Variants in PLXDC1 observed in about 807,000 individuals in gnomAD.
PLXDC1 encodes the protein plexin domain containing 1, also known as plexin domain-containing protein 1.
In PLXDC1, 39 loss-of-function variants were observed where a neutral mutation model predicts 61.3. The observed-to-expected ratio is 0.64, with a 90% CI of 0.49 to 0.83. The LOEUF is 0.83. Ranked by LOEUF, PLXDC1 falls within the 40% of genes least tolerant of loss-of-function variation. PLXDC1 has a pLI of 0.00. For missense variants in PLXDC1, 596 were observed against 666.5 expected, an observed-to-expected ratio of 0.89 and a Z score of 1.17; for synonymous variants, 212 against 254.5, an observed-to-expected ratio of 0.83 and a Z score of 1.59.
chr17:39,143,632 T>TG (rs1291344221), intron 1 of PLXDC1, among the ~76,000 whole-genome samples: 2 of 152,220 alleles, frequency 1.3e-5, no homozygotes, highest in African/African-American at 4.8e-5. Context: ...AACTCCGCTG[T>TG]GGGGCCCTGC....
At chr17:39,094,607 C>G (rs1461038736) in intron 7 of PLXDC1, among the ~76,000 whole-genome samples, 3 of 152,166 alleles carry the variant, frequency 2.0e-5, no homozygotes, top group Non-Finnish European at 2.9e-5. Flanking sequence ...AGACCACAAG[C>G]TCCGCTAAGA....
intron 2 of PLXDC1, among the ~76,000 whole-genome samples, chr17:39,133,731 G>A (rs1911639444): frequency 6.6e-6 from 1 of 152,104 alleles, no homozygotes; most frequent in South Asian, 2.1e-4. Context: ...CGATCCTACA[G>A]CCTCAGCATC....
At chr17:39,108,334 G>T in intron 4 of PLXDC1, 89 bp from the exon 5 acceptor site, 5 of 1,390,306 alleles carry the variant, frequency 3.6e-6, no homozygotes, top group South Asian at 1.2e-5. Context: ...GAAGGGCAGC[G>T]CAGGCAGAGC....
At chr17:39,138,487 G>T (rs749836242) in intron 2 of PLXDC1, among the ~76,000 whole-genome samples, 1 of 152,174 alleles carries the variant, frequency 6.6e-6, no homozygotes, top group Non-Finnish European at 1.5e-5. Flanking sequence ...GTTGCTCAGC[G>T]GGAGTATACA....
chr17:39,124,866 T>C (rs555589260), intron 2 of PLXDC1, among the ~76,000 whole-genome samples: 2 of 152,246 alleles, frequency 1.3e-5, no homozygotes, highest in Non-Finnish European at 2.9e-5. Flanking sequence ...CAGGCTGGAG[T>C]GCAGTGGTGC....
At chr17:39,097,365 A>G (rs992103332) in intron 7 of PLXDC1, among the ~76,000 whole-genome samples, 5 of 152,316 alleles carry the variant, frequency 3.3e-5, no homozygotes, top group East Asian at 1.9e-4. Context: ...CCTTTAAGCC[A>G]TGATCATTTG....
In PLXDC1 at chr17:39,067,963, C is replaced by A. The variant is rs750287147; in HGVS notation, c.1384-4G>T. 2.5e-6 allele frequency: 4 copies of A among 1,613,414 alleles called. No individual in the cohort carries two copies. The highest frequency in any genetic ancestry group is 3.4e-6 in the Non-Finnish European group (4 of 1,179,772). On this transcript the variant is annotated splice_polypyrimidine_tract_variant and splice_region_variant and intron_variant, in intron 13 of 13. Coordinates refer to ENST00000315392, the MANE Select transcript of PLXDC1 (RefSeq NM_020405.5). ...CTGGCCAGTGGTGAGGTCTACGCTG[C>A]AGAAGGCACAGAGGCAAAGTCAGTG... is the stretch of plus-strand genomic sequence containing the variant.
intron 1 of PLXDC1, among the ~76,000 whole-genome samples, chr17:39,142,228 C>A (rs1911958026): frequency 6.6e-6 from 1 of 152,172 alleles, no homozygotes; most frequent in African/African-American, 2.4e-5. Context: ...TAATTTTTTA[C>A]TGTTTTACTC....
intron 4 of PLXDC1, 126 bp downstream of exon 4, chr17:39,108,778 T>G: frequency 1.5e-6 from 1 of 680,366 alleles, no homozygotes; most frequent in Non-Finnish European, 2.7e-6. Flanking sequence ...CAGACTCCTA[T>G]TAGAGCCAAA....
intron 9 of PLXDC1, chr17:39,080,931 A>C (rs1425606556): frequency 6.6e-6 from 1 of 152,580 alleles, no homozygotes; most frequent in Non-Finnish European, 1.5e-5. Flanking sequence ...TGTTGATGGG[A>C]GAGTTTGGCT....
At chr17:39,078,135 T>G in intron 10 of PLXDC1, 87 bp from the exon 11 acceptor site, 1 of 1,297,674 alleles carries the variant, frequency 7.7e-7, no homozygotes, top group South Asian at 1.5e-5. Flanking sequence ...GGGCAATTTA[T>G]CTGTCAGCTG....
At chr17:39,070,938 A>G (rs1909091055) in intron 12 of PLXDC1, among the ~76,000 whole-genome samples, 1 of 152,304 alleles carries the variant, frequency 6.6e-6, no homozygotes, top group Admixed American at 6.5e-5. Context: ...AGATCGCACC[A>G]CTGCACTCCA....
chr17:39,109,855 A>G (rs1195290270), intron 2 of PLXDC1, among the ~76,000 whole-genome samples: 1 of 152,134 alleles, frequency 6.6e-6, no homozygotes, highest in Non-Finnish European at 1.5e-5. Context: ...GGAAAAGGAA[A>G]ATCTGGGCTG....
chr17:39,074,452 T>C (rs1909246912), intron 11 of PLXDC1, among the ~76,000 whole-genome samples: 1 of 152,280 alleles, frequency 6.6e-6, no homozygotes, highest in Non-Finnish European at 1.5e-5. Flanking sequence ...TAATGAATGT[T>C]TTCTGTTGGG....
chr17:39,143,415 C>T (rs894802682), intron 1 of PLXDC1, among the ~76,000 whole-genome samples: 1 of 152,344 alleles, frequency 6.6e-6, no homozygotes, highest in East Asian at 1.9e-4. Context: ...AGAGCACCTA[C>T]GTGTGCGACT....
chr17:39,120,086 G>T (rs1911111090), intron 2 of PLXDC1, among the ~76,000 whole-genome samples: 1 of 152,162 alleles, frequency 6.6e-6, no homozygotes, highest in South Asian at 2.1e-4. Context: ...ATTATAAAGA[G>T]GACCTAAGGC....
chr17:39,087,254 C>T (rs79486291), intron 8 of PLXDC1, among the ~76,000 whole-genome samples: 2,623 of 152,336 alleles, frequency 0.017, 80 homozygotes, highest in African/African-American at 0.06. Flanking sequence ...CCTGGATCAC[C>T]TTTTCTGGGG....
At chr17:39,152,780 AAAAAG>A (rs1377007551), upstream of PLXDC1, 297 of 882,542 alleles carry the variant, frequency 3.4e-4, no homozygotes, top group Non-Finnish European at 4.1e-4. Context: ...TAAAAAAAAA[AAAAAG>A]AAAAGAAAAG....
At chr17:39,079,035 C>T (rs375039659) in intron 10 of PLXDC1, 69 bp downstream of exon 10, 1 of 1,240,624 alleles carries the variant, frequency 8.1e-7, no homozygotes, top group African/African-American at 1.5e-5. Context: ...CAGGGGCAGG[C>T]CCTACTGGCT....
Sources: allele counts gnomAD v4.1 joint callset (sites outside exome capture counted in the v4.1 genomes callset), GRCh38; gene constraint gnomAD v4.1.1; transcripts MANE v1.5; gene names NCBI Gene and HGNC (gene_info 2026-07-23, HGNC 2026-07-21).